The following AASDHPPT variants were observed in gnomAD, a reference collection of about 807,000 sequenced individuals.
AASDHPPT encodes aminoadipate-semialdehyde dehydrogenase-phosphopantetheinyl transferase.
Under a neutral mutation model 36.4 loss-of-function variants are expected in AASDHPPT, and 23 were observed. The ratio of observed to expected loss-of-function variants is 0.63; its 90% CI spans 0.45 to 0.89. The LOEUF is 0.89. AASDHPPT is among the 40% of genes least tolerant of loss of function. The pLI, the probability that AASDHPPT is intolerant of heterozygous loss-of-function variation, is 0.00. For missense variants in AASDHPPT, 377 were observed against 378.2 expected, an observed-to-expected ratio of 1.00 and a Z score of 0.03; for synonymous variants, 115 against 128.0, an observed-to-expected ratio of 0.90 and a Z score of 0.68.
At chr11:106,094,344 T>C (rs1861290483) in intron 4 of AASDHPPT, 1 of 326,440 alleles carries the variant, frequency 3.1e-6, no homozygotes, top group Non-Finnish European at 5.5e-6. Context: ...TGTGGTTATG[T>C]AAGAGAATGT....
chr11:106,079,279 G>A (rs892727760), intron 1 of AASDHPPT, among the ~76,000 whole-genome samples, 188 bp from the exon 2 acceptor site: 12 of 152,162 alleles, frequency 7.9e-5, no homozygotes, highest in African/African-American at 2.7e-4. Flanking sequence ...GAATTGCTAA[G>A]GCGGGCTTTA....
intron 2 of AASDHPPT, chr11:106,089,490 A>G (rs1261255698): frequency 1.3e-5 from 2 of 152,214 alleles, no homozygotes; most frequent in East Asian, 3.9e-4. Flanking sequence ...GTTAACATTC[A>G]TGTATACACT....
At chr11:106,095,978 A>C (rs932488067) in intron 5 of AASDHPPT, 2 of 152,212 alleles carry the variant, frequency 1.3e-5, no homozygotes, top group African/African-American at 4.8e-5. Flanking sequence ...ACTAGAGTAC[A>C]ATTCACAAAA....
intron 2 of AASDHPPT, chr11:106,089,589 A>G (rs767624793): frequency 6.6e-6 from 1 of 152,070 alleles, no homozygotes; most frequent in African/African-American, 2.4e-5. Flanking sequence ...ACAGTGATCA[A>G]TTTACTTTTA....
rs767783596 is a variant in AASDHPPT, at chr11:106,091,339, A to G, written c.555A>G (p.Lys185=). 1 of 1,601,234 alleles carries G rather than the reference A, an allele frequency of 6.2e-7. No individual in the cohort carries two copies. The highest frequency in any genetic ancestry group is 8.5e-7 in the Non-Finnish European group (1 of 1,176,392). ...RNWALKESFI[K]AIGVGLGFEL... ...AGGCACTTAAGGAAAGCTTCATAAA[A>G]GCCATTGGTGTTGGACTAGGATTTG... is the stretch of plus-strand genomic sequence containing the variant. The change falls in exon 4 of 6, where the codon AAA becomes AAG. Residue 185 remains lysine (K), a synonymous_variant. Transcript: ENST00000278618.
At chr11:106,089,043 CTG>C (rs1173807919) in intron 2 of AASDHPPT, among the ~76,000 whole-genome samples, 1 of 152,010 alleles carries the variant, frequency 6.6e-6, no homozygotes, top group Non-Finnish European at 1.5e-5. Flanking sequence ...GCAGGAGAAA[CTG>C]TAAACTCTCT....
rs1248307275 is a variant in AASDHPPT at position 106,097,248 on chromosome 11, T to C, written c.*341T>C. 2 of 182,728 alleles carry C rather than the reference T, an allele frequency of 1.1e-5. No homozygotes were observed. The highest frequency in any genetic ancestry group is 2.2e-5 in the Non-Finnish European group (2 of 88,922). The allele number at this position is 182,728 out of a possible 1,614,324, so 11.3% of individuals were successfully genotyped here. ...ATAACTACTCTTAAAACCTTGAGTA[T>C]CTTTTCAGACCTTTTTCTTGGCAAA... On this transcript the variant is annotated 3_prime_UTR_variant, in exon 6 of 6. Coordinates refer to ENST00000278618, the MANE Select transcript of AASDHPPT (RefSeq NM_015423.3).
Position 106,096,980 on chromosome 11 carries a change from T to C in AASDHPPT, c.*73T>C. 2.2e-6 allele frequency: 3 copies of C among 1,391,802 alleles called. No homozygotes were observed. The highest frequency in any genetic ancestry group is 9.6e-7 in the Non-Finnish European group (1 of 1,046,854). 86.2% of individuals were successfully genotyped at this position (1,391,802 alleles called of 1,614,324 possible). Reference sequence around the variant, plus strand: ...GTATTCACTGAAAAATAAATGCTTGTTTAGTATCAAATTTTATTTCACGAA... The same window carrying C: ...GTATTCACTGAAAAATAAATGCTTGCTTAGTATCAAATTTTATTTCACGAA... On this transcript the variant is annotated 3_prime_UTR_variant, in exon 6 of 6. Coordinates refer to ENST00000278618, the MANE Select transcript of AASDHPPT (RefSeq NM_015423.3).
chr11:106,082,346 A>G (rs944710701), intron 2 of AASDHPPT, among the ~76,000 whole-genome samples: 1 of 152,190 alleles, frequency 6.6e-6, no homozygotes, highest in Non-Finnish European at 1.5e-5. Context: ...GATTCTTTGA[A>G]TTGCTCTACT....
intron 1 of AASDHPPT, among the ~76,000 whole-genome samples, 170 bp downstream of exon 1, chr11:106,078,063 G>A (rs1301603230): frequency 6.6e-6 from 1 of 152,212 alleles, no homozygotes; most frequent in East Asian, 1.9e-4. Flanking sequence ...GCGACGCACG[G>A]CCTGGTTTCC....
intron 2 of AASDHPPT, among the ~76,000 whole-genome samples, chr11:106,081,234 C>G (rs1013004248): frequency 3.4e-4 from 51 of 152,202 alleles, no homozygotes; most frequent in African/African-American, 1.2e-3. Context: ...CATTTTCCTA[C>G]TAGCTACTCT....
chr11:106,091,747 C>T (rs1861259185), intron 4 of AASDHPPT: 1 of 263,830 alleles, frequency 3.8e-6, no homozygotes. Flanking sequence ...CAAACGCAGC[C>T]ACTTTGGCTG....
At chr11:106,086,076 T>C (rs1346462735) in intron 2 of AASDHPPT, 1 of 152,242 alleles carries the variant, frequency 6.6e-6, no homozygotes, top group Admixed American at 6.5e-5. Context: ...ATGTGTGTGC[T>C]TATGTATAAT....
rs1345236900 is a variant in AASDHPPT, at chr11:106,080,796, GCT to G, written c.409+1110_409+1111del. Among the ~76,000 whole-genome samples, 7 of 152,210 alleles carry G rather than the reference GCT, an allele frequency of 4.6e-5. No homozygotes were observed. In the East Asian group the frequency reaches 1.4e-3, roughly 29 times the overall value. ...GCACCATATGTGGTTTGAATATGTG[GCT>G]CTCTCAGTCTGTAAGGCTTGTATTA... On this transcript the variant is annotated intron_variant, in intron 2 of 5. Coordinates refer to ENST00000278618, the MANE Select transcript of AASDHPPT (RefSeq NM_015423.3).
intron 4 of AASDHPPT, chr11:106,091,941 C>T (rs773299615): frequency 1.3e-5 from 2 of 152,372 alleles, no homozygotes; most frequent in Non-Finnish European, 2.9e-5. Flanking sequence ...TTATAGGTTA[C>T]TAGAGTGATT....
rs923258302 is a variant in AASDHPPT, at chr11:106,096,946, T to A, written c.*39T>A. Reference sequence around the variant, plus strand: ...AACAAAGGGAAATGAAAACTGTTTGTGATCTTCCGTATTCACTGAAAAATA... The same window carrying A: ...AACAAAGGGAAATGAAAACTGTTTGAGATCTTCCGTATTCACTGAAAAATA... On this transcript the variant is annotated 3_prime_UTR_variant, in exon 6 of 6. Coordinates refer to ENST00000278618, the MANE Select transcript of AASDHPPT (RefSeq NM_015423.3). The A allele has an allele frequency of 1.3e-6, 2 of 1,546,056 alleles. No homozygotes were observed. Among genetic ancestry groups the A allele is most frequent in the Non-Finnish European group, 1.7e-6 (2 of 1,144,610 alleles).
rs781426914 is a variant in AASDHPPT, at chr11:106,096,708, A to G, written c.766-35A>G. The G allele has an allele frequency of 6.0e-6, 9 of 1,498,492 alleles. No homozygotes were observed. The East Asian group carries it at 2.2e-4, about 36-fold the overall frequency. The allele number at this position is 1,498,492 out of a possible 1,614,324, so 92.8% of individuals were successfully genotyped here. On this transcript the variant is annotated intron_variant, in intron 5 of 5. Transcript: ENST00000278618. ...AAATTGATCATAAGATTAACATGCA[A>G]TATAACAATAAGGTAATCTGCTTTT...
Position 106,096,803 on chromosome 11 carries a change from G to A in AASDHPPT, c.826G>A (p.Asp276Asn), listed in dbSNP as rs779881034. The change falls in exon 6 of 6, where the codon GAT becomes AAT. Residue 276 changes from aspartate (D) to asparagine (N), a missense_variant. Transcript: ENST00000278618. ...QRQFTILNFN[D>N]LMSSAVPMTP... Reference sequence around the variant, plus strand: ...GCAATTTACTATTCTCAACTTTAATGATTTAATGTCATCTGCCGTTCCCAT... The same window carrying A: ...GCAATTTACTATTCTCAACTTTAATAATTTAATGTCATCTGCCGTTCCCAT... 5.6e-6 allele frequency: 9 copies of A among 1,610,252 alleles called. No homozygotes were observed. Among genetic ancestry groups the A allele is most frequent in the East Asian group, 2.2e-5 (1 of 44,632 alleles).
In AASDHPPT at chr11:106,096,971, A is replaced by G; in HGVS notation, c.*64A>G. ...TGATCTTCCGTATTCACTGAAAAAT[A>G]AATGCTTGTTTAGTATCAAATTTTA... On this transcript the variant is annotated 3_prime_UTR_variant, in exon 6 of 6. Coordinates refer to ENST00000278618, the MANE Select transcript of AASDHPPT (RefSeq NM_015423.3). The G allele has an allele frequency of 6.9e-7, 1 of 1,444,100 alleles. No individual in the cohort carries two copies. Among genetic ancestry groups the G allele is most frequent in the Non-Finnish European group, 9.2e-7 (1 of 1,083,682 alleles). 89.5% of individuals were successfully genotyped at this position (1,444,100 alleles called of 1,614,324 possible).
Sources: allele counts gnomAD v4.1 joint callset (sites outside exome capture counted in the v4.1 genomes callset), GRCh38; gene constraint gnomAD v4.1.1; transcripts MANE v1.5; gene names NCBI Gene and HGNC (gene_info 2026-07-23, HGNC 2026-07-21).